ADAM12: variants seen among roughly 807,000 people sequenced by gnomAD.
ADAM12 encodes ADAM metallopeptidase domain 12, also known as disintegrin and metalloproteinase domain-containing protein 12.
ADAM12 carries 70 observed loss-of-function variants against 106.4 expected under a neutral mutation model. That is an observed-to-expected ratio of 0.66 (90% CI 0.54 to 0.80). The LOEUF is 0.80. Ranked by LOEUF, ADAM12 falls within the 30% of genes least tolerant of loss-of-function variation. The pLI, the probability that ADAM12 is intolerant of heterozygous loss-of-function variation, is 0.00. For synonymous variants in ADAM12, 420 were observed against 433.5 expected (o/e 0.97, Z 0.39); for missense variants, 1,010 against 1,171.9 (o/e 0.86, Z 2.02).
chr10:126,200,396 G>C (rs143098908), intron 3 of ADAM12, among the ~76,000 whole-genome samples: 1 of 152,270 alleles, frequency 6.6e-6, no homozygotes, highest in African/African-American at 2.4e-5. Context: ...TTATGAAAAT[G>C]AAATTGAACA....
intron 21 of ADAM12, among the ~76,000 whole-genome samples, chr10:126,020,283 G>C (rs1953738622): frequency 6.6e-6 from 1 of 152,216 alleles, no homozygotes; most frequent in African/African-American, 2.4e-5. Flanking sequence ...GTTGTGCTCA[G>C]TCTGCCACGT....
intron 3 of ADAM12, among the ~76,000 whole-genome samples, chr10:126,267,617 C>A (rs1396296848): frequency 6.6e-6 from 1 of 152,042 alleles, no homozygotes; most frequent in Admixed American, 6.6e-5. Context: ...TGACAGGGGG[C>A]GGAGCTCAGG....
chr10:126,262,209 G>T (rs1165584314), intron 3 of ADAM12, among the ~76,000 whole-genome samples: 1 of 151,944 alleles, frequency 6.6e-6, no homozygotes, highest in East Asian at 1.9e-4. Context: ...ATATATTTAT[G>T]TATCTTCATA....
intron 11 of ADAM12, among the ~76,000 whole-genome samples, chr10:126,089,784 C>T (rs868024837): frequency 6.6e-6 from 1 of 152,002 alleles, no homozygotes. Flanking sequence ...TGGTCCCCTG[C>T]ACCTGAACTC....
chr10:126,134,143 C>A (rs998749315), intron 5 of ADAM12, among the ~76,000 whole-genome samples: 17 of 152,344 alleles, frequency 1.1e-4, no homozygotes, highest in African/African-American at 4.1e-4. Context: ...AACCACAAGG[C>A]ACCTCCTTCA....
chr10:126,378,782 G>A (rs1287149758), intron 1 of ADAM12, among the ~76,000 whole-genome samples: 1 of 152,136 alleles, frequency 6.6e-6, no homozygotes, highest in Non-Finnish European at 1.5e-5. Context: ...CTTATTCTAT[G>A]TCCATTTTTC....
chr10:126,023,249 T>G (rs971445937), intron 21 of ADAM12, among the ~76,000 whole-genome samples: 1 of 152,204 alleles, frequency 6.6e-6, no homozygotes, highest in South Asian at 2.1e-4. Context: ...TAAACCCTAA[T>G]GTAGGTATCA....
chr10:126,222,051 G>A (rs775906699), intron 3 of ADAM12, among the ~76,000 whole-genome samples: 2 of 152,186 alleles, frequency 1.3e-5, no homozygotes, highest in African/African-American at 2.4e-5. Flanking sequence ...CTCAGCAGCT[G>A]AGTTTGGCCC....
At position 126,118,172 on chromosome 10, in the gene ADAM12, C is replaced by T. The variant is rs775035718; in HGVS notation, c.469G>A (p.Ala157Thr). 1.2e-5 allele frequency: 19 copies of T among 1,614,038 alleles called. No individual in the cohort carries two copies. The highest frequency in any genetic ancestry group is 1.6e-5 in the Non-Finnish European group (19 of 1,180,004). ...GGGAAGAGTTTGTATCTGTTGGTTG[C>T]ACTTTTCATTGGTTCTAAGACATAG... ...ESYVLEPMKS[A>T]TNRYKLFPAK... is the part of the protein sequence containing the mutation. Residue 157 changes from alanine to threonine, a missense_variant, in exon 6 of 23, where the codon GCA (alanine) becomes ACA (threonine). Physicochemically the swap from Ala to Thr is moderately conservative, Grantham distance 58. This residue lies in a region of ADAM12 where 391 missense variants were observed against 442.9 expected (regional missense o/e 0.88). Transcript: ENST00000448723.
intron 2 of ADAM12, among the ~76,000 whole-genome samples, chr10:126,304,948 A>G (rs1405497523): frequency 1.3e-5 from 2 of 151,992 alleles, no homozygotes; most frequent in Non-Finnish European, 2.9e-5. Context: ...CCAAGTGTAA[A>G]TTATAAATCA....
intron 14 of ADAM12, among the ~76,000 whole-genome samples, chr10:126,054,259 C>T (rs550906035): frequency 6.6e-6 from 1 of 152,304 alleles, no homozygotes; most frequent in East Asian, 1.9e-4. Context: ...GCTCTTTTAC[C>T]AGAATAACCA....
chr10:126,310,236 A>T (rs1455319542), intron 2 of ADAM12, among the ~76,000 whole-genome samples: 3 of 152,048 alleles, frequency 2.0e-5, no homozygotes. Flanking sequence ...AGTAAAAAAC[A>T]AGCAGACAGA....
In ADAM12 at chr10:126,036,129, T is replaced by G. The variant is rs1183129604; in HGVS notation, c.2529+17A>C. 1.4e-6 allele frequency: 2 copies of G among 1,423,612 alleles called. No homozygotes were observed. The highest frequency in any genetic ancestry group is 3.0e-5 in the African/African-American group (2 of 67,030). 88.2% of individuals were successfully genotyped at this position (1,423,612 alleles called of 1,614,324 possible). A position where few individuals can be genotyped will look rare whatever the true frequency, so the allele number is the denominator to read the frequency against. On this transcript the variant is annotated intron_variant, in intron 21 of 22. Coordinates refer to ENST00000448723, the MANE Select transcript of ADAM12 (RefSeq NM_001288973.2). ...GGATTTGAACTACATCCTATCATATTAGTACTGAAAGCATACCTGGGCCTG... is the reference window on the plus strand; with the variant it reads ...GGATTTGAACTACATCCTATCATATGAGTACTGAAAGCATACCTGGGCCTG...
chr10:126,239,353 T>A (rs542456479), intron 3 of ADAM12, among the ~76,000 whole-genome samples: 1 of 152,330 alleles, frequency 6.6e-6, no homozygotes, highest in African/African-American at 2.4e-5. Flanking sequence ...AGAAGGCATG[T>A]GTGGATAAAG....
intron 3 of ADAM12, among the ~76,000 whole-genome samples, chr10:126,225,786 T>C (rs1958182485): frequency 6.6e-6 from 1 of 152,106 alleles, no homozygotes. Flanking sequence ...GCTGGGAACG[T>C]TGCTCCTCTC....
chr10:126,151,420 A>T (rs1162825949), intron 4 of ADAM12, among the ~76,000 whole-genome samples: 1 of 152,216 alleles, frequency 6.6e-6, no homozygotes, highest in Non-Finnish European at 1.5e-5. Context: ...CTTAGTAGAT[A>T]TACTAATGTT....
intron 2 of ADAM12, among the ~76,000 whole-genome samples, chr10:126,288,340 C>T (rs1278400031): frequency 6.6e-6 from 1 of 152,154 alleles, no homozygotes; most frequent in Admixed American, 6.5e-5. Context: ...CCAATGAATG[C>T]ATGTTCCCAG....
intron 5 of ADAM12, among the ~76,000 whole-genome samples, chr10:126,127,635 G>T (rs891843791): frequency 4.6e-5 from 7 of 152,232 alleles, no homozygotes; most frequent in African/African-American, 1.7e-4. Flanking sequence ...ATGAGGTATG[G>T]CAGTTACCAA....
chr10:126,257,079 C>T (rs12767903), intron 3 of ADAM12, among the ~76,000 whole-genome samples: 1 of 152,208 alleles, frequency 6.6e-6, no homozygotes, highest in Non-Finnish European at 1.5e-5. Context: ...CCTGCAGTGC[C>T]CACTCTCAGC....
Sources: gnomAD v4.1 joint callset for allele counts (sites outside exome capture counted in the v4.1 genomes callset) on GRCh38, gnomAD v4.1.1 for gene constraint, gnomAD v4.1.1 regional missense constraint, MANE v1.5 for transcripts, NCBI Gene and HGNC (gene_info 2026-07-23, HGNC 2026-07-21) for gene names.